Variants in ERN1 observed in about 807,000 individuals in gnomAD.
ERN1 encodes the protein endoplasmic reticulum to nucleus signaling 1, also known as serine/threonine-protein kinase/endoribonuclease IRE1.
In ERN1, 39 loss-of-function variants were observed where a neutral mutation model predicts 113.1. The observed-to-expected ratio is 0.34, with a 90% CI of 0.27 to 0.45. ERN1 has a LOEUF of 0.45. ERN1 is among the 20% of genes least tolerant of loss of function. The probability of loss-of-function intolerance (pLI) is 1.00; values close to 1 mark genes in which losing one functional copy is unlikely to be tolerated. For missense variants in ERN1, 976 were observed against 1,274.8 expected (o/e 0.77, Z 3.57); for synonymous variants, 507 against 515.9 (o/e 0.98, Z 0.23).
At chr17:64,060,347 C>T in intron 11 of ERN1, 122 bp downstream of exon 11, 3 of 682,954 alleles carry the variant, frequency 4.4e-6, no homozygotes, top group Admixed American at 2.4e-5. Flanking sequence ...GCTTTGGATT[C>T]TGGTGCATTC....
chr17:64,112,778 C>CGTCT, intron 1 of ERN1, among the ~76,000 whole-genome samples: 1 of 152,322 alleles, frequency 6.6e-6, no homozygotes. Flanking sequence ...TTGCCCTATG[C>CGTCT]GTCTCTTCAT....
At chr17:64,076,266 T>C (rs769600858) in intron 4 of ERN1, among the ~76,000 whole-genome samples, 5 of 152,232 alleles carry the variant, frequency 3.3e-5, no homozygotes, top group Non-Finnish European at 5.9e-5. Context: ...CTCTACTGCA[T>C]GGTCACCTTT....
chr17:64,052,872 C>T lies in ERN1; in HGVS notation c.2161G>A (p.Gly721Ser). 1 of 1,613,982 alleles carries T rather than the reference C, an allele frequency of 6.2e-7. No homozygotes were observed. Among genetic ancestry groups the T allele is most frequent in the Non-Finnish European group, 8.5e-7 (1 of 1,179,886 alleles). Reference sequence around the variant, plus strand: ...GATCGGCGGCTGAAACTGTGTCTGCCCACTGCCAGCTTCTTGCAGAGGCCA... The same window carrying T: ...GATCGGCGGCTGAAACTGTGTCTGCTCACTGCCAGCTTCTTGCAGAGGCCA... ...DFGLCKKLAVGRHSFSRRSGV... is the reference protein window; with the variant it reads ...DFGLCKKLAVSRHSFSRRSGV... The change falls in exon 17 of 22, where the codon GGC becomes AGC. Residue 721 changes from glycine (G) to serine (S), a missense_variant. Transcript: ENST00000433197.
intron 1 of ERN1, among the ~76,000 whole-genome samples, chr17:64,127,167 C>A (rs1915102289): frequency 6.6e-6 from 1 of 151,974 alleles, no homozygotes; most frequent in Non-Finnish European, 1.5e-5. Context: ...GATCTGGTAG[C>A]CTAAAGTCTC....
chr17:64,128,591 G>T (rs1256628362), intron 1 of ERN1, among the ~76,000 whole-genome samples: 1 of 152,078 alleles, frequency 6.6e-6, no homozygotes, highest in Non-Finnish European at 1.5e-5. Context: ...TGAAATGATC[G>T]AATTCATGTC....
rs182320304 is a variant in ERN1 at position 64,071,273 on chromosome 17, G to T, written c.478+708C>A. Among the ~76,000 whole-genome samples the T allele has an allele frequency of 6.3e-4, 96 of 152,310 alleles. 1 individual carries two copies. The highest frequency in any genetic ancestry group is 2.3e-3 in the African/African-American group (94 of 41,562). Reference sequence around the variant, plus strand: ...GCAGAAGAGGCTTCACAGAGAAGGTGACTTTTGAGTACAGTTGTGAGAGAG... The same window carrying T: ...GCAGAAGAGGCTTCACAGAGAAGGTTACTTTTGAGTACAGTTGTGAGAGAG... On this transcript the variant is annotated intron_variant, in intron 6 of 21. Coordinates refer to ENST00000433197, the MANE Select transcript of ERN1 (RefSeq NM_001433.5).
intron 1 of ERN1, chr17:64,102,752 C>T (rs1380246420): frequency 2.4e-5 from 24 of 985,278 alleles, no homozygotes; most frequent in Non-Finnish European, 2.7e-5. Flanking sequence ...TCAGTGCTCA[C>T]TTTTCTCTAC....
At chr17:64,101,541 C>T (rs935549867) in intron 1 of ERN1, among the ~76,000 whole-genome samples, 7 of 152,142 alleles carry the variant, frequency 4.6e-5, no homozygotes, top group African/African-American at 1.7e-4. Context: ...TAGAAGTTTT[C>T]ACAAAGTAGA....
intron 1 of ERN1, among the ~76,000 whole-genome samples, chr17:64,112,913 T>A (rs1265550799): frequency 1.3e-5 from 2 of 152,180 alleles, no homozygotes; most frequent in African/African-American, 4.8e-5. Flanking sequence ...AGACAAGAGA[T>A]CATCAATGCT....
At position 64,056,054 on chromosome 17, in the gene ERN1, G is replaced by C. The variant is rs1014546501; in HGVS notation, c.1399-106C>G. On this transcript the variant is annotated intron_variant, in intron 12 of 21. Coordinates refer to ENST00000433197, the MANE Select transcript of ERN1 (RefSeq NM_001433.5). The stretch of plus-strand genomic sequence containing the variant: ...GGCGGAGGGAGCATGTGTACTTTAT[G>C]TGACCCAACAGGGCACAAAGAGACC... 4.2e-6 allele frequency: 6 copies of C among 1,440,864 alleles called. No homozygotes were observed. The African/African-American group carries it at 8.6e-5, about 21-fold the overall frequency. 89.3% of individuals were successfully genotyped at this position (1,440,864 alleles called of 1,614,324 possible).
chr17:64,050,554 C>A (rs1199046989), intron 17 of ERN1, among the ~76,000 whole-genome samples: 4 of 152,138 alleles, frequency 2.6e-5, no homozygotes, highest in African/African-American at 9.7e-5. Flanking sequence ...GTGGATTCAA[C>A]CGTAAGGGAC....
At position 64,054,125 on chromosome 17, in the gene ERN1, A is replaced by G. The variant is rs906685459; in HGVS notation, c.1953+125T>C. The G allele has an allele frequency of 4.7e-6, 4 of 857,564 alleles. No individual in the cohort carries two copies. The Admixed American group carries it at 1.1e-4, about 24-fold the overall frequency. 53.1% of individuals were successfully genotyped at this position (857,564 alleles called of 1,614,324 possible). On this transcript the variant is annotated intron_variant, in intron 15 of 21. Coordinates refer to ENST00000433197, the MANE Select transcript of ERN1 (RefSeq NM_001433.5). This position sits in a 1 kb window ranked among gnomAD's most constrained non-coding sequence, Gnocchi z 4.9. ...TGGCTAATTTTTGGTTTCTTTGTAGAGATGGGGTTTCACCATGTTGTCCAG... is the reference window on the plus strand; with the variant it reads ...TGGCTAATTTTTGGTTTCTTTGTAGGGATGGGGTTTCACCATGTTGTCCAG...
At chr17:64,086,810 C>A (rs1598070327) in intron 2 of ERN1, among the ~76,000 whole-genome samples, 1 of 151,942 alleles carries the variant, frequency 6.6e-6, no homozygotes, top group East Asian at 1.9e-4. Context: ...CCACACCCAG[C>A]TAATTTTTGT....
chr17:64,053,131 T>C (rs1912740708), intron 16 of ERN1, 141 bp downstream of exon 16: 1 of 911,526 alleles, frequency 1.1e-6, no homozygotes, highest in Non-Finnish European at 1.6e-6. Flanking sequence ...CCTCAAATTC[T>C]TACACCACTC....
At chr17:64,108,287 TCCCCCCAAA>T (rs1914583927) in intron 1 of ERN1, among the ~76,000 whole-genome samples, 1 of 152,026 alleles carries the variant, frequency 6.6e-6, no homozygotes, top group African/African-American at 2.4e-5. Context: ...TGAATACAGT[TCCCCCCAAA>T]CTGGTTTTGG....
intron 1 of ERN1, among the ~76,000 whole-genome samples, chr17:64,118,023 CAA>C (rs923627926): frequency 1.9e-4 from 29 of 152,278 alleles, no homozygotes; most frequent in African/African-American, 7.0e-4. Flanking sequence ...TCACTACATT[CAA>C]GAGCTAGGAA....
chr17:64,052,851 G>A lies in ERN1; in HGVS notation c.2182C>T (p.Arg728Ter), dbSNP rs1912728859. Residue 728 changes from arginine to a stop codon, truncating the protein, a stop_gained, in exon 17 of 22, where the codon CGA becomes TGA. Transcript: ENST00000433197. LOFTEE classifies it high-confidence loss of function. ...CCTTCTGTGCCAGGCACCCCAGATC[G>A]GCGGCTGAAACTGTGTCTGCCCACT... is the stretch of plus-strand genomic sequence containing the variant. ...LAVGRHSFSR[R>*]SGVPGTEGWI... The A allele has an allele frequency of 6.2e-7, 1 of 1,613,878 alleles. No individual in the cohort carries two copies. The highest frequency in any genetic ancestry group is 1.7e-5 in the Admixed American group (1 of 60,008).
rs1307894823 is a variant in ERN1 at position 64,042,262 on chromosome 17, C to T, written c.*1726G>A. On this transcript the variant is annotated 3_prime_UTR_variant, in exon 22 of 22. Transcript: ENST00000433197. The stretch of plus-strand genomic sequence containing the variant: ...AGACGCCAAGGACACCGACCAAGGG[C>T]CAAGGTTCCAAGGCCTAAGTGAGGT... 2 of 152,144 alleles carry T rather than the reference C, an allele frequency of 1.3e-5. No individual in the cohort carries two copies. Among genetic ancestry groups the T allele is most frequent in the Non-Finnish European group, 2.9e-5 (2 of 68,028 alleles). The allele number at this position is 152,144 out of a possible 1,614,324, so 9.4% of individuals were successfully genotyped here.
intron 1 of ERN1, among the ~76,000 whole-genome samples, chr17:64,128,449 A>C (rs2143519515): frequency 6.6e-6 from 1 of 152,322 alleles, no homozygotes; most frequent in East Asian, 1.9e-4. Flanking sequence ...TATAGTTCCA[A>C]CTACAGCTAA....
Sources: allele counts gnomAD v4.1 joint callset (sites outside exome capture counted in the v4.1 genomes callset), GRCh38; gene constraint gnomAD v4.1.1; non-coding constraint Gnocchi (gnomAD v3.1); transcripts MANE v1.5; gene names NCBI Gene and HGNC (gene_info 2026-07-23, HGNC 2026-07-21).